ETFDH: variants seen among roughly 807,000 people sequenced by gnomAD.
ETFDH encodes the protein electron transfer flavoprotein dehydrogenase.
ETFDH carries 61 observed loss-of-function variants against 73.2 expected under a neutral mutation model. The observed-to-expected ratio is 0.83, with a 90% CI of 0.68 to 1.03. The LOEUF is 1.03. Among genes scored for constraint, ETFDH ranks in the 50% least tolerant of loss-of-function variants. The pLI is 0.00. For synonymous variants in ETFDH, 243 were observed against 253.3 expected, an observed-to-expected ratio of 0.96 and a Z score of 0.39; for missense variants, 685 against 745.0, an observed-to-expected ratio of 0.92 and a Z score of 0.94.
chr4:158,688,694 G>A (rs560616317), intron 5 of ETFDH, among the ~76,000 whole-genome samples: 3 of 152,138 alleles, frequency 2.0e-5, no homozygotes, highest in East Asian at 1.9e-4. Flanking sequence ...AAAAAAGAAC[G>A]AAACAGTTTT....
intron 4 of ETFDH, 100 bp from the exon 5 acceptor site, chr4:158,685,001 A>T: frequency 1.3e-6 from 1 of 757,532 alleles, no homozygotes; most frequent in Non-Finnish European, 2.3e-6. Context: ...TGTAGCACTT[A>T]TGTAGAAATA....
intron 7 of ETFDH, among the ~76,000 whole-genome samples, chr4:158,696,074 A>G (rs971237487): frequency 6.6e-6 from 1 of 152,220 alleles, no homozygotes; most frequent in Non-Finnish European, 1.5e-5. Context: ...GCCATAGTAT[A>G]TTAATCTGCA....
intron 7 of ETFDH, among the ~76,000 whole-genome samples, chr4:158,696,613 G>A (rs540469492): frequency 2.0e-4 from 30 of 152,130 alleles, no homozygotes; most frequent in African/African-American, 6.7e-4. Context: ...TGTGAATAAG[G>A]GTTTGTTTTG....
intron 6 of ETFDH, among the ~76,000 whole-genome samples, chr4:158,691,799 A>G (rs1774172479): frequency 2.0e-5 from 3 of 152,248 alleles, no homozygotes; most frequent in Admixed American, 6.5e-5. Context: ...CTCTTTGGAA[A>G]AGATAAGGAA....
chr4:158,709,453 A>G lies in ETFDH; in HGVS notation c.*926A>G, dbSNP rs1774737526. ...AAGCTGAGGCAGGAGAATTGCTTGA[A>G]CCCGGGAGGCAGAGGATGCAGTGAG... On this transcript the variant is annotated 3_prime_UTR_variant, in exon 13 of 13. Coordinates refer to ENST00000511912, the MANE Select transcript of ETFDH (RefSeq NM_004453.4). 4.7e-6 allele frequency: 1 copy of G among 211,980 alleles called. No individual in the cohort carries two copies. Among genetic ancestry groups the G allele is most frequent in the East Asian group, 1.1e-4 (1 of 8,848 alleles). 13.1% of individuals were successfully genotyped at this position (211,980 alleles called of 1,614,324 possible).
At chr4:158,673,197 A>T (rs1235732813) in intron 1 of ETFDH, among the ~76,000 whole-genome samples, 1 of 152,180 alleles carries the variant, frequency 6.6e-6, no homozygotes, top group African/African-American at 2.4e-5. Flanking sequence ...CCAGCTACTC[A>T]GGAGGCTTAG....
intron 11 of ETFDH, 91 bp from the exon 12 acceptor site, chr4:158,706,538 G>A (rs1436203805): frequency 2.5e-6 from 3 of 1,180,156 alleles, no homozygotes; most frequent in Admixed American, 3.4e-5. Flanking sequence ...TCTTTGGTGT[G>A]ATAATATTTT....
chr4:158,698,816 C>T (rs1774379990), intron 8 of ETFDH, among the ~76,000 whole-genome samples, 171 bp from the exon 9 acceptor site: 1 of 152,130 alleles, frequency 6.6e-6, no homozygotes, highest in Admixed American at 6.5e-5. Flanking sequence ...CTTTTCCAAA[C>T]AGATTTTATA....
intron 2 of ETFDH, 186 bp from the exon 3 acceptor site, chr4:158,682,009 A>G (rs1773871586): frequency 2.8e-6 from 2 of 706,754 alleles, no homozygotes; most frequent in Admixed American, 2.8e-5. Flanking sequence ...TAAAGTATGT[A>G]CTGGAACAGA....
intron 9 of ETFDH, among the ~76,000 whole-genome samples, chr4:158,701,919 GT>G (rs940150895): frequency 4.2e-4 from 64 of 151,702 alleles, no homozygotes; most frequent in African/African-American, 1.5e-3. Context: ...TTATTACATT[GT>G]TTTTTTTAAT....
In ETFDH at chr4:158,690,410, G is replaced by A; in HGVS notation, c.669G>A (p.Lys223=). The A allele has an allele frequency of 1.3e-6, 2 of 1,583,396 alleles. No homozygotes were observed. Among genetic ancestry groups the A allele is most frequent in the Non-Finnish European group, 1.7e-6 (2 of 1,152,024 alleles). ...GIATNDVGIQ[K]DGAPKATFER... ...CCACTAACGATGTAGGGATACAAAA[G>A]GATGGTGCACCAAAGGTAAACCTTT... The change falls in exon 6 of 13, where the codon AAG becomes AAA. Residue 223 remains lysine (K), a synonymous_variant. Transcript: ENST00000511912.
At chr4:158,688,278 T>A (rs1269523494) in intron 5 of ETFDH, among the ~76,000 whole-genome samples, 1 of 142,536 alleles carries the variant, frequency 7.0e-6, no homozygotes, top group East Asian at 2.1e-4. Context: ...TGTAGTCCCA[T>A]CTACTCAGGA....
In ETFDH at chr4:158,695,623, T is replaced by A. The variant is rs769353959; in HGVS notation, c.811T>A (p.Tyr271Asn). Reference protein sequence around the residue: ...DLRANCEPQTYGIGLKELWVI... With the variant: ...DLRANCEPQTNGIGLKELWVI... ...GAGAGCAAATTGTGAACCTCAAACCTACGGGATTGGACTGAAGGAGGTATC... is the reference window on the plus strand; with the variant it reads ...GAGAGCAAATTGTGAACCTCAAACCAACGGGATTGGACTGAAGGAGGTATC... The change falls in exon 7 of 13, where the codon TAC becomes AAC. Residue 271 changes from tyrosine to asparagine, a missense_variant. Physicochemically the swap from Tyr to Asn is moderately radical, Grantham distance 143. Transcript: ENST00000511912. 2 of 1,610,754 alleles carry A rather than the reference T, an allele frequency of 1.2e-6. No homozygotes were observed. The highest frequency in any genetic ancestry group is 2.2e-5 in the South Asian group (2 of 91,016).
intron 10 of ETFDH, 92 bp downstream of exon 10, chr4:158,703,683 T>G: frequency 3.7e-6 from 3 of 801,176 alleles, no homozygotes; most frequent in Non-Finnish European, 6.5e-6. Flanking sequence ...CATCTGTCAC[T>G]TTATAGAAAG....
intron 1 of ETFDH, among the ~76,000 whole-genome samples, chr4:158,674,648 A>G (rs1773669243): frequency 1.3e-5 from 2 of 152,182 alleles, no homozygotes; most frequent in African/African-American, 4.8e-5. Context: ...TTTCTTTGCC[A>G]CTTTAAAAAA....
rs372132905 is a variant in ETFDH, at chr4:158,685,288, T to C, written c.606+69T>C. 61 of 844,270 alleles carry C rather than the reference T, an allele frequency of 7.2e-5. No homozygotes were observed. The East Asian group carries it at 7.7e-4, about 11-fold the overall frequency. 52.3% of individuals were successfully genotyped at this position (844,270 alleles called of 1,614,324 possible). On this transcript the variant is annotated intron_variant, in intron 5 of 12. Coordinates refer to ENST00000511912, the MANE Select transcript of ETFDH (RefSeq NM_004453.4). ...TTTTTTTAATAAGTGGAGAATTTTATAAAGTTGAAGAAATAAATATTTTTT... is the reference window on the plus strand; with the variant it reads ...TTTTTTTAATAAGTGGAGAATTTTACAAAGTTGAAGAAATAAATATTTTTT...
chr4:158,708,019 G>C, intron 12 of ETFDH, among the ~76,000 whole-genome samples: 1 of 152,198 alleles, frequency 6.6e-6, no homozygotes, highest in East Asian at 1.9e-4. Context: ...TACTACCTGA[G>C]GTTTCAGGCG....
chr4:158,709,540 A>G lies in ETFDH; in HGVS notation c.*1013A>G, dbSNP rs1774740851. On this transcript the variant is annotated 3_prime_UTR_variant, in exon 13 of 13. Coordinates refer to ENST00000511912, the MANE Select transcript of ETFDH (RefSeq NM_004453.4). Reference sequence around the variant, plus strand: ...GAGCAAGACTCCATCTCAAAGAAACAAACAAAACCACTTTACTTACTGTAT... The same window carrying G: ...GAGCAAGACTCCATCTCAAAGAAACGAACAAAACCACTTTACTTACTGTAT... The G allele has an allele frequency of 2.4e-6, 1 of 422,822 alleles. No individual in the cohort carries two copies. The highest frequency in any genetic ancestry group is 4.2e-6 in the Non-Finnish European group (1 of 240,520). 26.2% of individuals were successfully genotyped at this position (422,822 alleles called of 1,614,324 possible). A position where few individuals can be genotyped will look rare whatever the true frequency, so the allele number is the denominator to read the frequency against.
chr4:158,697,778 T>G, intron 8 of ETFDH, 79 bp downstream of exon 8: 1 of 1,295,420 alleles, frequency 7.7e-7, no homozygotes, highest in Non-Finnish European at 1.1e-6. Flanking sequence ...GGGTTTTGAA[T>G]CTGAAGACTG....
Sources: allele counts gnomAD v4.1 joint callset (sites outside exome capture counted in the v4.1 genomes callset), GRCh38; gene constraint gnomAD v4.1.1; transcripts MANE v1.5; gene names NCBI Gene and HGNC (gene_info 2026-07-23, HGNC 2026-07-21).